The following ECH1 variants were observed in gnomAD, a reference collection of about 807,000 sequenced individuals.
ECH1 encodes the protein delta(3,5)-Delta(2,4)-dienoyl-CoA isomerase, mitochondrial.
ECH1 carries 30 observed loss-of-function variants against 37.0 expected under a neutral mutation model. The ratio of observed to expected loss-of-function variants is 0.81; its 90% confidence interval spans 0.61 to 1.10. The LOEUF is 1.10. Among genes scored for constraint, ECH1 ranks in the 50% least tolerant of loss-of-function variants. The pLI, the probability that ECH1 is intolerant of heterozygous loss-of-function variation, is 0.00. For synonymous variants in ECH1, 178 were observed against 176.0 expected (o/e 1.01, Z -0.09); for missense variants, 456 against 441.6 (o/e 1.03, Z -0.29).
At chr19:38,826,882 C>G (rs117339479) in intron 3 of ECH1, among the ~76,000 whole-genome samples, 1,629 of 152,160 alleles carry the variant, frequency 0.011, 20 homozygotes, top group Middle Eastern at 0.034. Context: ...CTCGAGCCAG[C>G]AGGCTACTCT....
At chr19:38,817,668 C>A (rs892746129) in intron 3 of ECH1, 93 bp from the exon 4 acceptor site, 5 of 1,458,300 alleles carry the variant, frequency 3.4e-6, no homozygotes, top group Non-Finnish European at 4.5e-6. Flanking sequence ...CAGGTTCGAA[C>A]CCCCAAACCA....
At chr19:38,826,633 G>T (rs552172137) in intron 3 of ECH1, among the ~76,000 whole-genome samples, 1 of 152,286 alleles carries the variant, frequency 6.6e-6, no homozygotes, top group South Asian at 2.1e-4. Flanking sequence ...CACAGTTCTA[G>T]ACCTCAAGGA....
chr19:38,821,815 CGAG>C (rs1475648386), intron 3 of ECH1, among the ~76,000 whole-genome samples: 2 of 152,236 alleles, frequency 1.3e-5, no homozygotes, highest in Non-Finnish European at 2.9e-5. Flanking sequence ...CGAGCCTCCC[CGAG>C]GAGCGCCACC....
rs141129400 is a variant in ECH1, at chr19:38,816,439, C to A, written c.659+14G>T. ...GGGGTCTCCTGCCCACACCCCCACA[C>A]CCCCTGCACCCACCTCTGGTTCCCG... On this transcript the variant is annotated intron_variant, in intron 7 of 9. Coordinates refer to ENST00000221418, the MANE Select transcript of ECH1 (RefSeq NM_001398.3). The A allele has an allele frequency of 3.1e-6, 5 of 1,614,126 alleles. No homozygotes were observed. The highest frequency in any genetic ancestry group is 1.3e-5 in the African/African-American group (1 of 75,052).
chr19:38,815,567 C>G lies in ECH1; in HGVS notation c.*46G>C. On this transcript the variant is annotated 3_prime_UTR_variant, in exon 10 of 10. Coordinates refer to ENST00000221418, the MANE Select transcript of ECH1 (RefSeq NM_001398.3). ...CCATCCTCCCTTTCTGTGGATGAGG[C>G]GGGACAAGGCCGGCCCCCTGGCTGG... The G allele has an allele frequency of 6.3e-7, 1 of 1,575,202 alleles. No homozygotes were observed. Among genetic ancestry groups the G allele is most frequent in the Non-Finnish European group, 8.7e-7 (1 of 1,146,632 alleles).
At chr19:38,822,454 T>G (rs1971677515) in intron 3 of ECH1, among the ~76,000 whole-genome samples, 1 of 151,246 alleles carries the variant, frequency 6.6e-6, no homozygotes, top group African/African-American at 2.4e-5. Context: ...AGCTCAAGGT[T>G]TGTAAATGCA....
chr19:38,825,238 T>A (rs1971721940), intron 3 of ECH1, among the ~76,000 whole-genome samples: 1 of 152,132 alleles, frequency 6.6e-6, no homozygotes, highest in Non-Finnish European at 1.5e-5. Flanking sequence ...CCAGTATGGA[T>A]CCCCACTGGG....
chr19:38,822,582 C>T (rs1971679594), intron 3 of ECH1, among the ~76,000 whole-genome samples: 1 of 151,968 alleles, frequency 6.6e-6, no homozygotes, highest in African/African-American at 2.4e-5. Flanking sequence ...TTTGTAAATA[C>T]ACCAATCAGC....
intron 3 of ECH1, chr19:38,819,035 G>A (rs1451954369): frequency 3.1e-5 from 26 of 841,858 alleles, no homozygotes; most frequent in Non-Finnish European, 3.6e-5. Context: ...GAGCCCAGGA[G>A]TTGGAGGCTG....
chr19:38,824,641 T>C (rs955211661), intron 3 of ECH1, among the ~76,000 whole-genome samples: 16 of 152,146 alleles, frequency 1.1e-4, no homozygotes, highest in African/African-American at 3.9e-4. Context: ...AGCTTGACCT[T>C]TTCTGTAAGA....
intron 3 of ECH1, among the ~76,000 whole-genome samples, chr19:38,825,962 T>C (rs965377549): frequency 6.6e-6 from 1 of 152,144 alleles, no homozygotes; most frequent in Admixed American, 6.6e-5. Context: ...CGTTTAACCA[T>C]TGAGGGCCAG....
intron 3 of ECH1, among the ~76,000 whole-genome samples, chr19:38,819,834 C>T (rs1227204709): frequency 1.3e-5 from 2 of 151,922 alleles, no homozygotes; most frequent in Non-Finnish European, 2.9e-5. Flanking sequence ...CACCTGTAAT[C>T]CCAGCACTTT....
In ECH1 at chr19:38,831,793, G is replaced by A. The variant is rs867145902; in HGVS notation, c.-21C>T. 1.9e-6 allele frequency: 3 copies of A among 1,611,808 alleles called. No individual in the cohort carries two copies. Among genetic ancestry groups the A allele is most frequent in the Middle Eastern group, 1.7e-4 (1 of 6,056 alleles). ...GCCATCGCCGCCGCCTTCGTCTACTGCGTTCGGACGGAGTAACGTGCCCGT... is the reference window on the plus strand; with the variant it reads ...GCCATCGCCGCCGCCTTCGTCTACTACGTTCGGACGGAGTAACGTGCCCGT... On this transcript the variant is annotated 5_prime_UTR_variant, in exon 1 of 10. Transcript: ENST00000221418.
chr19:38,825,917 C>T (rs1971732750), intron 3 of ECH1, among the ~76,000 whole-genome samples: 1 of 152,204 alleles, frequency 6.6e-6, no homozygotes, highest in South Asian at 2.1e-4. Flanking sequence ...GGGCAAGCGC[C>T]AGCTCATGTC....
In ECH1 at chr19:38,815,628, G is replaced by T. The variant is rs1311541734; in HGVS notation, c.972C>A (p.Thr324=). ...TTENKELKTV[T]FSKL ...GCGAGGGCTCTCAGAGCTTGGAGAA[G>T]GTGACGGTTTTCAGTTCCTTGTTCT... is the stretch of plus-strand genomic sequence containing the variant. Residue 324 remains threonine (T), a synonymous_variant, in exon 10 of 10, where the codon ACC becomes ACA. Transcript: ENST00000221418. 1.2e-6 allele frequency: 2 copies of T among 1,614,216 alleles called. No homozygotes were observed. Among genetic ancestry groups the T allele is most frequent in the Non-Finnish European group, 1.7e-6 (2 of 1,180,038 alleles).
intron 3 of ECH1, among the ~76,000 whole-genome samples, chr19:38,821,815 C>T (rs529801889): frequency 6.6e-5 from 10 of 152,354 alleles, no homozygotes; most frequent in African/African-American, 2.2e-4. Flanking sequence ...CGAGCCTCCC[C>T]GAGGAGCGCC....
intron 3 of ECH1, chr19:38,818,115 C>T (rs938295567): frequency 2.7e-5 from 19 of 695,194 alleles, no homozygotes; most frequent in Non-Finnish European, 3.2e-5. Context: ...ACCTTGGCAT[C>T]CCAAAGCACT....
chr19:38,824,652 G>A (rs1439339455), intron 3 of ECH1, among the ~76,000 whole-genome samples: 1 of 152,124 alleles, frequency 6.6e-6, no homozygotes, highest in Non-Finnish European at 1.5e-5. Context: ...TTCTGTAAGA[G>A]GGAAGGCAAA....
At chr19:38,818,433 A>G in intron 3 of ECH1, 1 of 978,938 alleles carries the variant, frequency 1.0e-6, no homozygotes, top group Non-Finnish European at 1.2e-6. Flanking sequence ...TATTCCCTAC[A>G]GGCAGCCAGG....
Sources: allele counts gnomAD v4.1 joint callset (sites outside exome capture counted in the v4.1 genomes callset), GRCh38; gene constraint gnomAD v4.1.1; transcripts MANE v1.5; gene names NCBI Gene and HGNC (gene_info 2026-07-23, HGNC 2026-07-21).